The following GPC5 variants were observed in gnomAD, a reference collection of about 807,000 sequenced individuals.
GPC5 encodes glypican 5, also known as glypican-5.
A neutral mutation model predicts 53.9 loss-of-function variants in GPC5; 47 were observed. That is an observed-to-expected ratio of 0.87 (90% confidence interval 0.69 to 1.11). The LOEUF (loss-of-function observed/expected upper bound fraction) is 1.11, where lower values mean the gene tolerates loss of function less well. GPC5 is among the 50% of genes most tolerant of loss of function. The pLI, the probability that GPC5 is intolerant of heterozygous loss-of-function variation, is 0.00. For synonymous variants in GPC5, 286 were observed against 263.3 expected (o/e 1.09, Z -0.84); for missense variants, 748 against 713.1 (o/e 1.05, Z -0.56).
chr13:92,427,782 C>G (rs1300691291), intron 7 of GPC5, among the ~76,000 whole-genome samples: 1 of 152,080 alleles, frequency 6.6e-6, no homozygotes, highest in African/African-American at 2.4e-5. Flanking sequence ...AAAATAAATC[C>G]AAAGATCTCA....
chr13:91,910,524 T>A (rs72633722), intron 6 of GPC5, among the ~76,000 whole-genome samples: 7,639 of 152,178 alleles, frequency 0.05, 389 homozygotes, highest in East Asian at 0.25. Context: ...AAAAATGCCA[T>A]CTCTCACCAT....
At chr13:91,684,241 C>A (rs757431970) in intron 2 of GPC5, among the ~76,000 whole-genome samples, 9 of 152,138 alleles carry the variant, frequency 5.9e-5, no homozygotes, top group Non-Finnish European at 4.4e-5. Context: ...CATCCAGCAC[C>A]ATAACTTTAT....
intron 2 of GPC5, among the ~76,000 whole-genome samples, chr13:91,522,792 T>A (rs1221237060): frequency 2.0e-5 from 3 of 152,198 alleles, no homozygotes; most frequent in African/African-American, 7.2e-5. Flanking sequence ...TGTGATAGTT[T>A]GCTGAGAATG....
intron 7 of GPC5, among the ~76,000 whole-genome samples, chr13:92,645,484 C>T (rs924765489): frequency 6.6e-6 from 1 of 152,160 alleles, no homozygotes; most frequent in African/African-American, 2.4e-5. Flanking sequence ...TTTTACTTAG[C>T]ATAATGCATT....
At chr13:92,296,911 G>T (rs983619213) in intron 7 of GPC5, among the ~76,000 whole-genome samples, 120 of 152,216 alleles carry the variant, frequency 7.9e-4, no homozygotes, top group African/African-American at 2.7e-3. Context: ...GCAGGGCAGG[G>T]CTCGGGACCT....
At chr13:92,800,532 A>G (rs563497625) in intron 7 of GPC5, among the ~76,000 whole-genome samples, 11 of 152,012 alleles carry the variant, frequency 7.2e-5, no homozygotes, top group African/African-American at 2.6e-4. Flanking sequence ...GTTACTTTCC[A>G]CTAACGAACC....
chr13:92,611,855 GT>G (rs1884449189), intron 7 of GPC5, among the ~76,000 whole-genome samples: 1 of 152,074 alleles, frequency 6.6e-6, no homozygotes, highest in South Asian at 2.1e-4. Context: ...AAAACAGGAT[GT>G]TCCTACTATT....
chr13:92,037,368 C>T (rs986404174), intron 6 of GPC5, among the ~76,000 whole-genome samples: 2 of 152,124 alleles, frequency 1.3e-5, no homozygotes, highest in Non-Finnish European at 2.9e-5. Context: ...AGGAGACTTG[C>T]TTTCATACTT....
At chr13:92,522,545 A>C (rs1025820127) in intron 7 of GPC5, among the ~76,000 whole-genome samples, 1 of 152,014 alleles carries the variant, frequency 6.6e-6, no homozygotes, top group African/African-American at 2.4e-5. Context: ...GCAGGTTCTC[A>C]CTCATAGGTG....
chr13:92,384,658 G>T lies in GPC5; in HGVS notation c.1561+239669G>T, dbSNP rs113642552. On this transcript the variant is annotated intron_variant, in intron 7 of 7. Transcript: ENST00000377067. ...AACCTTGAGATTGGAGGGGAATAAGGTAGCCTCACATATAGCATTACCTTC... is the reference window on the plus strand; with the variant it reads ...AACCTTGAGATTGGAGGGGAATAAGTTAGCCTCACATATAGCATTACCTTC... Among the ~76,000 whole-genome samples the T allele has an allele frequency of 2.7e-3, 411 of 151,736 alleles. 2 individuals carry two copies. Among genetic ancestry groups the T allele is most frequent in the Admixed American group, 5.6e-3 (85 of 15,160 alleles).
At chr13:92,708,195 T>G (rs1365996491) in intron 7 of GPC5, among the ~76,000 whole-genome samples, 1 of 152,194 alleles carries the variant, frequency 6.6e-6, no homozygotes, top group Non-Finnish European at 1.5e-5. Context: ...TTTGAAGAAC[T>G]TGACCATTAG....
chr13:92,852,600 T>C lies in GPC5; in HGVS notation c.1562-13682T>C, dbSNP rs1053924443. On this transcript the variant is annotated intron_variant, in intron 7 of 7. Transcript: ENST00000377067. ...TTTTTTATTTTTTAGAGATGGGATC[T>C]CACTCTGTTGCCCAGGCTGGAATGC... 2.6e-5 allele frequency among the ~76,000 whole-genome samples: 4 copies of C among 152,178 alleles called. No homozygotes were observed. In the South Asian group the frequency reaches 8.3e-4, roughly 31 times the overall value.
At chr13:92,037,198 T>TAC (rs150320129) in intron 6 of GPC5, among the ~76,000 whole-genome samples, 680 of 151,346 alleles carry the variant, frequency 4.5e-3, no homozygotes, top group Non-Finnish European at 6.9e-3. Flanking sequence ...CACATGCTCA[T>TAC]ACACACACAC....
intron 7 of GPC5, among the ~76,000 whole-genome samples, chr13:92,145,851 A>G (rs2041863241): frequency 6.6e-6 from 1 of 152,150 alleles, no homozygotes; most frequent in South Asian, 2.1e-4. Flanking sequence ...TCAAAACCAC[A>G]CAGAGCTGCT....
Position 91,805,977 on chromosome 13 carries a change from C to T in GPC5, c.1280+49557C>T, listed in dbSNP as rs1056874554. On this transcript the variant is annotated intron_variant, in intron 5 of 7. Transcript: ENST00000377067. ...TGTGGAAAAGTTTCTACTGAAATTT[C>T]AATAGCATGTTTTGTTCTATGTGAA... Among the ~76,000 whole-genome samples, 7 of 139,980 alleles carry T rather than the reference C, an allele frequency of 5.0e-5. No homozygotes were observed. In the South Asian group the frequency reaches 1.4e-3, roughly 28 times the overall value. The allele number at this position is 139,980 out of a possible 152,430, so 91.8% of individuals were successfully genotyped here. A position where few individuals can be genotyped will look rare whatever the true frequency, so the allele number is the denominator to read the frequency against.
chr13:91,442,059 T>C (rs938566441), intron 1 of GPC5, among the ~76,000 whole-genome samples: 20 of 152,222 alleles, frequency 1.3e-4, no homozygotes, highest in African/African-American at 4.3e-4. Context: ...ATGTGTGTTA[T>C]CAACCAGCAA....
chr13:92,614,017 G>A (rs1192054148), intron 7 of GPC5, among the ~76,000 whole-genome samples: 1 of 152,076 alleles, frequency 6.6e-6, no homozygotes, highest in South Asian at 2.1e-4. Flanking sequence ...AATGAAGCCA[G>A]AAAATTATCA....
chr13:91,597,156 C>T (rs115793968), intron 2 of GPC5, among the ~76,000 whole-genome samples: 3,580 of 152,232 alleles, frequency 0.024, 139 homozygotes, highest in African/African-American at 0.08. Flanking sequence ...TACTGCCTGG[C>T]ATCCAGCACC....
chr13:92,711,276 C>T (rs1050293100), intron 7 of GPC5, among the ~76,000 whole-genome samples: 4 of 152,140 alleles, frequency 2.6e-5, no homozygotes, highest in African/African-American at 9.6e-5. Flanking sequence ...TATGGTTATA[C>T]AATCCACAAC....
Sources: gnomAD v4.1 joint callset for allele counts (sites outside exome capture counted in the v4.1 genomes callset) on GRCh38, gnomAD v4.1.1 for gene constraint, MANE v1.5 for transcripts, NCBI Gene and HGNC (gene_info 2026-07-23, HGNC 2026-07-21) for gene names.